Variants in ALK observed in about 807,000 individuals in gnomAD.
ALK encodes ALK receptor tyrosine kinase, also known as ALK tyrosine kinase receptor.
ALK carries 74 observed loss-of-function variants against 163.1 expected under a neutral mutation model. The ratio of observed to expected loss-of-function variants is 0.45; its 90% CI spans 0.38 to 0.55. The LOEUF is 0.55. Among genes scored for constraint, ALK ranks in the 20% least tolerant of loss-of-function variants. The pLI is 0.00. For synonymous variants in ALK, 960 were observed against 843.2 expected, an observed-to-expected ratio of 1.14 and a Z score of -2.40; for missense variants, 2,063 against 2,105.3, an observed-to-expected ratio of 0.98 and a Z score of 0.39.
intron 12 of ALK, among the ~76,000 whole-genome samples, chr2:29,244,128 G>T (rs1255816227): frequency 6.6e-6 from 1 of 152,238 alleles, no homozygotes; most frequent in Non-Finnish European, 1.5e-5. Flanking sequence ...TCTTGCGGGA[G>T]AGAGTGGACT....
intron 1 of ALK, among the ~76,000 whole-genome samples, chr2:29,784,294 A>G (rs746608932): frequency 4.6e-5 from 7 of 152,198 alleles, no homozygotes; most frequent in Non-Finnish European, 8.8e-5. Flanking sequence ...CTCTTTATCT[A>G]GCACCTATCA....
rs746356545 is a variant in ALK at position 29,251,227 on chromosome 2, A to G, written c.2082T>C (p.His694=). 3.7e-6 allele frequency: 6 copies of G among 1,614,052 alleles called. No homozygotes were observed. The highest frequency in any genetic ancestry group is 4.2e-6 in the Non-Finnish European group (5 of 1,179,972). The change falls in exon 12 of 29, where the codon CAT becomes CAC. Residue 694 remains histidine (H), a synonymous_variant. Coordinates refer to ENST00000389048, the MANE Select transcript of ALK (RefSeq NM_004304.5). ...TGTTGCACTGTGCCTGGGTGGGGCCATGGGGCCCGCTGGCCCCACATGTGG... is the reference window on the plus strand; with the variant it reads ...TGTTGCACTGTGCCTGGGTGGGGCCGTGGGGCCCGCTGGCCCCACATGTGG... The part of the protein sequence containing the change: ...LFTTCGASGP[H]GPTQAQCNNA...
chr2:29,328,316 G>A (rs1667335846), intron 6 of ALK, 34 bp downstream of exon 6: 1 of 1,613,958 alleles, frequency 6.2e-7, no homozygotes, highest in Non-Finnish European at 8.5e-7. Context: ...CATGGGCTGG[G>A]CTCAGGCAGG....
At chr2:29,737,302 T>C (rs2148321913) in intron 1 of ALK, among the ~76,000 whole-genome samples, 1 of 152,240 alleles carries the variant, frequency 6.6e-6, no homozygotes, top group East Asian at 1.9e-4. Context: ...GTTATATTTG[T>C]ATTTTTTCAT....
At chr2:29,459,743 C>T (rs1671040790) in intron 4 of ALK, among the ~76,000 whole-genome samples, 1 of 151,954 alleles carries the variant, frequency 6.6e-6, no homozygotes, top group Admixed American at 6.6e-5. Flanking sequence ...TATGATGGGA[C>T]AGAAAGATAA....
intron 1 of ALK, among the ~76,000 whole-genome samples, chr2:29,876,129 C>T (rs191335053): frequency 1.1e-4 from 17 of 152,338 alleles, no homozygotes; most frequent in Admixed American, 9.8e-4. Flanking sequence ...GGGCAGCTTA[C>T]TTTATGTTTC....
At chr2:29,420,126 C>CAG (rs1264894173) in intron 4 of ALK, among the ~76,000 whole-genome samples, 1 of 141,110 alleles carries the variant, frequency 7.1e-6, no homozygotes, top group East Asian at 2.0e-4. Context: ...CACTGCACTC[C>CAG]AGCCTGGGTG....
rs374481581 is a variant in ALK at position 29,281,147 on chromosome 2, T to G, written c.1818-5651A>C. ...AGACCACTCTGGGACTGAGGGAAGGTTCTGACATATACCAGATGAGCCACC... is the reference window on the plus strand; with the variant it reads ...AGACCACTCTGGGACTGAGGGAAGGGTCTGACATATACCAGATGAGCCACC... On this transcript the variant is annotated intron_variant, in intron 9 of 28. Transcript: ENST00000389048. Among the ~76,000 whole-genome samples, 58 of 152,304 alleles carry G rather than the reference T, an allele frequency of 3.8e-4. 1 individual carries two copies. In the East Asian group the frequency reaches 5.8e-3, roughly 15 times the overall value.
At chr2:29,527,863 G>A (rs7594020) in intron 4 of ALK, among the ~76,000 whole-genome samples, 40,456 of 151,666 alleles carry the variant, frequency 0.27, 6,092 homozygotes, top group Non-Finnish European at 0.34. Flanking sequence ...CACATCACCC[G>A]CCTGGGCTTC....
intron 3 of ALK, among the ~76,000 whole-genome samples, chr2:29,539,307 C>T (rs959901323): frequency 3.3e-5 from 5 of 152,140 alleles, no homozygotes; most frequent in African/African-American, 1.2e-4. Flanking sequence ...CTCTCTCTTG[C>T]ATTGTTACTT....
chr2:29,813,397 A>C (rs182652138), intron 1 of ALK, among the ~76,000 whole-genome samples: 1 of 152,268 alleles, frequency 6.6e-6, no homozygotes, highest in South Asian at 2.1e-4. Context: ...AGCACTAAGA[A>C]TGGGGGTTTG....
intron 1 of ALK, among the ~76,000 whole-genome samples, chr2:29,821,116 G>A (rs1665035698): frequency 1.3e-5 from 2 of 152,190 alleles, no homozygotes; most frequent in Non-Finnish European, 2.9e-5. Flanking sequence ...TGTCACAGTG[G>A]CACTAGGGGA....
At chr2:29,854,702 T>C (rs1054855687) in intron 1 of ALK, among the ~76,000 whole-genome samples, 2 of 152,202 alleles carry the variant, frequency 1.3e-5, no homozygotes, top group East Asian at 3.8e-4. Flanking sequence ...GGGTGAAGGA[T>C]CTTTGCAATT....
At chr2:29,814,400 C>G (rs962732484) in intron 1 of ALK, among the ~76,000 whole-genome samples, 3 of 151,680 alleles carry the variant, frequency 2.0e-5, no homozygotes, top group African/African-American at 4.8e-5. Flanking sequence ...GTGGCTCACA[C>G]CTGTAATCCC....
chr2:29,792,968 A>G (rs899366927), intron 1 of ALK, among the ~76,000 whole-genome samples: 21 of 152,174 alleles, frequency 1.4e-4, no homozygotes, highest in Admixed American at 1.4e-3. Context: ...AGTTTGTTGC[A>G]TCCATTGACT....
intron 1 of ALK, among the ~76,000 whole-genome samples, chr2:29,860,378 G>A (rs113984201): frequency 7.5e-6 from 1 of 132,912 alleles, no homozygotes; most frequent in African/African-American, 2.7e-5. Context: ...CTAAGGATTA[G>A]TTAAGGAAAG....
chr2:29,701,756 A>T (rs1396979681), intron 2 of ALK, among the ~76,000 whole-genome samples: 1 of 152,128 alleles, frequency 6.6e-6, no homozygotes, highest in Non-Finnish European at 1.5e-5. Flanking sequence ...ACCTTACATG[A>T]TCATCTTATT....
chr2:29,450,711 A>G (rs182487711), intron 4 of ALK, among the ~76,000 whole-genome samples: 1 of 152,332 alleles, frequency 6.6e-6, no homozygotes, highest in African/African-American at 2.4e-5. Flanking sequence ...GCATAATGAG[A>G]GAGGAACAAT....
chr2:29,502,032 C>A (rs1458562678), intron 4 of ALK, among the ~76,000 whole-genome samples: 1 of 152,162 alleles, frequency 6.6e-6, no homozygotes, highest in African/African-American at 2.4e-5. Flanking sequence ...AATAATATTC[C>A]ATTGTACCAC....
Sources: gnomAD v4.1 joint callset for allele counts (sites outside exome capture counted in the v4.1 genomes callset) on GRCh38, gnomAD v4.1.1 for gene constraint, MANE v1.5 for transcripts, NCBI Gene and HGNC (gene_info 2026-07-23, HGNC 2026-07-21) for gene names.